LRGUK: variants seen among roughly 807,000 people sequenced by gnomAD.
LRGUK encodes the protein leucine rich repeats and guanylate kinase domain containing.
Under a neutral mutation model 76.0 loss-of-function variants are expected in LRGUK, and 65 were observed. The observed-to-expected ratio is 0.85, with a 90% confidence interval of 0.70 to 1.05. The LOEUF (loss-of-function observed/expected upper bound fraction) is 1.05, where lower values mean the gene tolerates loss of function less well. Among genes scored for constraint, LRGUK ranks in the 50% least tolerant of loss-of-function variants. The pLI is 0.00. For missense variants in LRGUK, 758 were observed against 732.8 expected (o/e 1.03, Z -0.40); for synonymous variants, 268 against 265.6 (o/e 1.01, Z -0.09).
chr7:134,263,989 G>C (rs758563172), exon 20 of LRGUK: 3 of 1,598,164 alleles, frequency 1.9e-6, no homozygotes, highest in Non-Finnish European at 2.6e-6. Flanking sequence ...AGCACTTGAT[G>C]TCTGATCCTA....
At chr7:134,180,590 T>C (rs544201929) in intron 10 of LRGUK, among the ~76,000 whole-genome samples, 1 of 152,264 alleles carries the variant, frequency 6.6e-6, no homozygotes, top group African/African-American at 2.4e-5. Flanking sequence ...AATCCCATAA[T>C]TACTCATTTG....
intron 18 of LRGUK, among the ~76,000 whole-genome samples, 186 bp from the exon 19 acceptor site, chr7:134,258,067 TTAAG>T (rs1802628711): frequency 6.6e-6 from 1 of 152,140 alleles, no homozygotes; most frequent in African/African-American, 2.4e-5. Context: ...CTATTATACT[TTAAG>T]AGATGTCAGC....
At chr7:134,236,916 G>C (rs1439074071) in intron 16 of LRGUK, among the ~76,000 whole-genome samples, 2 of 152,114 alleles carry the variant, frequency 1.3e-5, no homozygotes, top group Admixed American at 1.3e-4. Context: ...TAATATGCTG[G>C]GGATTGAAAA....
At chr7:134,214,459 G>A (rs1332631777), downstream of LRGUK, among the ~76,000 whole-genome samples, 1 of 152,104 alleles carries the variant, frequency 6.6e-6, no homozygotes, top group Non-Finnish European at 1.5e-5. Flanking sequence ...TCATATCAGT[G>A]TTTTTTATGA....
chr7:134,263,419 C>G (rs438752), intron 19 of LRGUK, among the ~76,000 whole-genome samples: 1,852 of 149,560 alleles, frequency 0.012, 39 homozygotes, highest in African/African-American at 0.042. Context: ...GTGTGTGTGT[C>G]TGTGTGCATG....
chr7:134,233,890 C>T (rs1015766215), intron 16 of LRGUK, among the ~76,000 whole-genome samples: 1 of 152,204 alleles, frequency 6.6e-6, no homozygotes, highest in African/African-American at 2.4e-5. Context: ...CAACCCACAG[C>T]CTGCCGGCCA....
exon 20 of LRGUK, chr7:134,264,091 A>G: frequency 9.9e-7 from 1 of 1,009,926 alleles, no homozygotes. Flanking sequence ...CCCACGGAAG[A>G]ATGTTCTACC....
chr7:134,175,043 A>G (rs1370852100), intron 8 of LRGUK, among the ~76,000 whole-genome samples: 1 of 152,250 alleles, frequency 6.6e-6, no homozygotes, highest in Non-Finnish European at 1.5e-5. Context: ...CTATTCTATA[A>G]CAGGGGAAAG....
chr7:134,201,689 T>C (rs993892548), intron 15 of LRGUK, 113 bp downstream of exon 15: 1 of 673,610 alleles, frequency 1.5e-6, no homozygotes, highest in Non-Finnish European at 2.5e-6. Context: ...TTCTCTTTTA[T>C]TCCTGTACTT....
At chr7:134,141,916 C>T (rs1006000617) in intron 3 of LRGUK, among the ~76,000 whole-genome samples, 2 of 152,178 alleles carry the variant, frequency 1.3e-5, no homozygotes, top group Admixed American at 6.5e-5. Context: ...GGCATGGTTT[C>T]GTCCAGAAAA....
intron 8 of LRGUK, among the ~76,000 whole-genome samples, chr7:134,175,400 A>C (rs1329986672): frequency 6.6e-6 from 1 of 152,190 alleles, no homozygotes; most frequent in Non-Finnish European, 1.5e-5. Flanking sequence ...AAATACAAGA[A>C]AGATTTATAA....
chr7:134,264,203 GT>G (rs921193567), exon 20 of LRGUK: 6 of 382,038 alleles, frequency 1.6e-5, no homozygotes, highest in Admixed American at 9.1e-5. Context: ...AAAGATGTGA[GT>G]TTTTTTAATG....
chr7:134,215,527 TTA>T (rs1776705555), intron 15 of LRGUK, among the ~76,000 whole-genome samples: 1 of 152,128 alleles, frequency 6.6e-6, no homozygotes, highest in African/African-American at 2.4e-5. Context: ...GTATTGGCAG[TTA>T]TGTTCTTTGT....
intron 14 of LRGUK, among the ~76,000 whole-genome samples, chr7:134,200,483 A>T (rs1180452272): frequency 3.3e-5 from 5 of 152,114 alleles, no homozygotes; most frequent in South Asian, 2.1e-4. Context: ...TAATTTATGT[A>T]AAAAAATTGT....
At chr7:134,147,979 T>C (rs1257712217) in intron 4 of LRGUK, among the ~76,000 whole-genome samples, 3 of 151,262 alleles carry the variant, frequency 2.0e-5, no homozygotes, top group Non-Finnish European at 4.4e-5. Flanking sequence ...GGAGAATCAT[T>C]TGAATCCGGG....
At chr7:134,222,397 C>A (rs1361693982) in intron 16 of LRGUK, among the ~76,000 whole-genome samples, 2 of 152,168 alleles carry the variant, frequency 1.3e-5, no homozygotes, top group African/African-American at 4.8e-5. Flanking sequence ...AAGCAGCATG[C>A]ACAGGAGTGT....
chr7:134,161,015 C>T (rs902413937), intron 6 of LRGUK, among the ~76,000 whole-genome samples: 6 of 151,990 alleles, frequency 3.9e-5, no homozygotes, highest in Non-Finnish European at 8.8e-5. Flanking sequence ...TGACAGTAGG[C>T]TATCTAATTA....
intron 15 of LRGUK, among the ~76,000 whole-genome samples, chr7:134,204,728 C>G (rs1288203812): frequency 6.6e-6 from 1 of 152,154 alleles, no homozygotes; most frequent in Non-Finnish European, 1.5e-5. Context: ...GAACATGGTC[C>G]TTATTAACAC....
chr7:134,133,483 T>C (rs1215356713), intron 1 of LRGUK, among the ~76,000 whole-genome samples: 1 of 152,176 alleles, frequency 6.6e-6, no homozygotes, highest in African/African-American at 2.4e-5. Flanking sequence ...ATCCAAAATT[T>C]GCTTGCGTAC....
Sources: allele counts gnomAD v4.1 joint callset (sites outside exome capture counted in the v4.1 genomes callset), GRCh38; gene constraint gnomAD v4.1.1; transcripts MANE v1.5; gene names NCBI Gene and HGNC (gene_info 2026-07-23, HGNC 2026-07-21).